The following CCDC13 variants were observed in gnomAD, a reference collection of about 807,000 sequenced individuals.
The protein encoded by CCDC13 is coiled-coil domain-containing protein 13.
Under a neutral mutation model 87.3 loss-of-function variants are expected in CCDC13, and 70 were observed. That is an observed-to-expected ratio of 0.80 (90% CI 0.66 to 0.98). The LOEUF is 0.98. Ranked by LOEUF, CCDC13 falls within the 50% of genes least tolerant of loss-of-function variation. CCDC13 has a pLI of 0.00. For synonymous variants in CCDC13, 317 were observed against 360.3 expected (o/e 0.88, Z 1.36); for missense variants, 842 against 892.0 (o/e 0.94, Z 0.71).
intron 5 of CCDC13, chr3:42,749,823 G>A (rs190681070): frequency 2.1e-4 from 94 of 455,830 alleles, no homozygotes; most frequent in African/African-American, 1.7e-3. Flanking sequence ...CTCACATCAC[G>A]GCCTCCTGAA....
chr3:42,733,955 T>G (rs1387512285), intron 10 of CCDC13, among the ~76,000 whole-genome samples: 5 of 152,122 alleles, frequency 3.3e-5, no homozygotes, highest in Non-Finnish European at 7.4e-5. Flanking sequence ...CACCCACATG[T>G]GGTTGAACAC....
Position 42,735,908 on chromosome 3 carries a change from C to T in CCDC13, c.1170G>A (p.Gln390=). 6.2e-7 allele frequency: 1 copy of T among 1,613,176 alleles called. No individual in the cohort carries two copies. The highest frequency in any genetic ancestry group is 8.5e-7 in the Non-Finnish European group (1 of 1,179,642). The change falls in exon 10 of 16, where the codon CAG becomes CAA. Residue 390 remains glutamine, a synonymous_variant. Transcript: ENST00000310232. ...DDELIDALMD[Q]LKQLQEILGS... is the part of the protein sequence containing the mutation. ...CTAGGATCTCCTGTAGCTGCTTCAG[C>T]TGGTCCTGGGGGGCCAGGCAGGAGG... is the stretch of plus-strand genomic sequence containing the variant.
intron 5 of CCDC13, among the ~76,000 whole-genome samples, chr3:42,748,337 C>T (rs994329145): frequency 5.3e-5 from 8 of 152,202 alleles, no homozygotes; most frequent in Non-Finnish European, 1.2e-4. Flanking sequence ...CTTCCCCTGC[C>T]CTGGCTGACT....
chr3:42,761,224 C>T (rs1313950729), intron 1 of CCDC13, among the ~76,000 whole-genome samples: 1 of 152,176 alleles, frequency 6.6e-6, no homozygotes, highest in East Asian at 1.9e-4. Flanking sequence ...CTAAAATCTG[C>T]CCCCATGTCT....
At chr3:42,753,854 A>G (rs182250966) in intron 3 of CCDC13, among the ~76,000 whole-genome samples, 12 of 152,330 alleles carry the variant, frequency 7.9e-5, no homozygotes, top group African/African-American at 2.9e-4. Flanking sequence ...GAGTAGCTGG[A>G]AGGCTACTTG....
At chr3:42,718,678 T>A (rs1698487932) in intron 13 of CCDC13, among the ~76,000 whole-genome samples, 1 of 152,076 alleles carries the variant, frequency 6.6e-6, no homozygotes, top group Non-Finnish European at 1.5e-5. Flanking sequence ...TCCTGTAACA[T>A]CTTTCTGGTG....
chr3:42,754,095 T>C (rs1278448296), intron 3 of CCDC13, among the ~76,000 whole-genome samples: 2 of 152,328 alleles, frequency 1.3e-5, no homozygotes, highest in African/African-American at 2.4e-5. Context: ...TCTGACACCA[T>C]AGCAGGGAGT....
intron 3 of CCDC13, among the ~76,000 whole-genome samples, chr3:42,754,912 C>T (rs1338538187): frequency 1.1e-4 from 16 of 152,110 alleles, no homozygotes; most frequent in East Asian, 3.9e-4. Flanking sequence ...TAAATGGGGG[C>T]GGCAGTGGAT....
chr3:42,744,047 G>T (rs2125896856), intron 7 of CCDC13, among the ~76,000 whole-genome samples: 1 of 152,278 alleles, frequency 6.6e-6, no homozygotes, highest in East Asian at 1.9e-4. Flanking sequence ...ATCCTCTGAG[G>T]TTCTTCTTGG....
intron 13 of CCDC13, among the ~76,000 whole-genome samples, chr3:42,717,297 G>C (rs561904366): frequency 9.2e-5 from 14 of 151,910 alleles, no homozygotes; most frequent in Non-Finnish European, 2.1e-4. Context: ...ATGGTGGTGG[G>C]TGCTTGTAGT....
intron 3 of CCDC13, among the ~76,000 whole-genome samples, chr3:42,756,156 A>G (rs1254893823): frequency 6.6e-6 from 1 of 152,232 alleles, no homozygotes; most frequent in East Asian, 1.9e-4. Context: ...GGCAAGGACA[A>G]TAGTCTGGTA....
At chr3:42,771,925 C>G (rs1310966346) in intron 1 of CCDC13, among the ~76,000 whole-genome samples, 2 of 152,130 alleles carry the variant, frequency 1.3e-5, no homozygotes, top group African/African-American at 4.8e-5. Flanking sequence ...CATAAAGGAA[C>G]TGTTTTTTGT....
At chr3:42,732,676 G>C (rs772093104) in intron 12 of CCDC13, 56 of 564,166 alleles carry the variant, frequency 9.9e-5, no homozygotes, top group Non-Finnish European at 1.6e-4. Context: ...CCCTAGCCTG[G>C]GAGTCAGAGG....
chr3:42,754,524 C>T (rs563965144), intron 3 of CCDC13, among the ~76,000 whole-genome samples: 1 of 152,252 alleles, frequency 6.6e-6, no homozygotes, highest in East Asian at 1.9e-4. Context: ...GCAGTTTCAG[C>T]AGAGGTCTGG....
At chr3:42,744,436 G>A (rs1378976037) in intron 7 of CCDC13, among the ~76,000 whole-genome samples, 1 of 152,132 alleles carries the variant, frequency 6.6e-6, no homozygotes, top group East Asian at 1.9e-4. Flanking sequence ...AGCTTTGAAG[G>A]CACCCACCAG....
intron 13 of CCDC13, among the ~76,000 whole-genome samples, chr3:42,726,093 G>A (rs1430941928): frequency 6.6e-6 from 1 of 152,188 alleles, no homozygotes; most frequent in Non-Finnish European, 1.5e-5. Context: ...TGCCCAGGCT[G>A]GAGTGGAGTG....
At chr3:42,769,887 C>T (rs1239597687) in intron 1 of CCDC13, among the ~76,000 whole-genome samples, 3 of 152,258 alleles carry the variant, frequency 2.0e-5, no homozygotes, top group African/African-American at 7.2e-5. Context: ...TCTCACGGGG[C>T]CTTAGCTGCC....
chr3:42,720,796 G>A (rs752506567), intron 13 of CCDC13, among the ~76,000 whole-genome samples: 8 of 152,236 alleles, frequency 5.3e-5, no homozygotes, highest in South Asian at 2.1e-4. Flanking sequence ...CAGCTTTTCC[G>A]TCAATTAAAC....
At chr3:42,753,974 G>A (rs968439189) in intron 3 of CCDC13, among the ~76,000 whole-genome samples, 1 of 152,290 alleles carries the variant, frequency 6.6e-6, no homozygotes, top group Admixed American at 6.5e-5. Context: ...GTCCAGCATC[G>A]TCATCGACTA....
Sources: gnomAD v4.1 joint callset for allele counts (sites outside exome capture counted in the v4.1 genomes callset) on GRCh38, gnomAD v4.1.1 for gene constraint, MANE v1.5 for transcripts, NCBI Gene and HGNC (gene_info 2026-07-23, HGNC 2026-07-21) for gene names.